VASH2: variants seen among roughly 807,000 people sequenced by gnomAD.
The protein encoded by VASH2 is tubulinyl-Tyr carboxypeptidase 2.
In VASH2, 28 loss-of-function variants were observed where a neutral mutation model predicts 37.2. The observed-to-expected ratio is 0.75, with a 90% CI of 0.56 to 1.03. The LOEUF is 1.03. Ranked by LOEUF, VASH2 falls within the 50% of genes least tolerant of loss-of-function variation. The probability of loss-of-function intolerance (pLI) is 0.00; values close to 1 mark genes in which losing one functional copy is unlikely to be tolerated. For missense variants in VASH2, 419 were observed against 459.1 expected, an observed-to-expected ratio of 0.91 and a Z score of 0.80; for synonymous variants, 188 against 174.7, an observed-to-expected ratio of 1.08 and a Z score of -0.60.
intron 2 of VASH2, among the ~76,000 whole-genome samples, chr1:212,953,999 C>T (rs564547619): frequency 1.3e-5 from 2 of 151,942 alleles, no homozygotes; most frequent in East Asian, 3.9e-4. Context: ...GCCTCAACCT[C>T]CCAGGCTCAA....
At chr1:212,966,724 A>G (rs6699082) in intron 5 of VASH2, among the ~76,000 whole-genome samples, 1,959 of 152,294 alleles carry the variant, frequency 0.013, 49 homozygotes, top group African/African-American at 0.043. Context: ...GGGAAATGCA[A>G]TCAGAGCCAA....
At position 212,960,323 on chromosome 1, in the gene VASH2, G is replaced by T. The variant is rs74140535; in HGVS notation, c.277-843G>T. On this transcript the variant is annotated intron_variant, in intron 2 of 7. Transcript: ENST00000517399. ...TGTTGATTGAGGGGCAGACTAGGAA[G>T]TGAGTGTGTTGGTGGAGCTGCTGTG... Among the ~76,000 whole-genome samples, 395 of 151,790 alleles carry T rather than the reference G, an allele frequency of 2.6e-3. 3 individuals carry two copies. The highest frequency in any genetic ancestry group is 8.8e-3 in the African/African-American group (363 of 41,358).
intron 7 of VASH2, among the ~76,000 whole-genome samples, chr1:212,981,139 T>A (rs939888326): frequency 1.3e-5 from 2 of 152,236 alleles, no homozygotes; most frequent in African/African-American, 2.4e-5. Flanking sequence ...CTGGAAACTG[T>A]GCCCTGGAAT....
chr1:212,955,367 T>C (rs1310610736), intron 2 of VASH2, among the ~76,000 whole-genome samples: 1 of 152,202 alleles, frequency 6.6e-6, no homozygotes, highest in East Asian at 1.9e-4. Flanking sequence ...TTTGAGATCC[T>C]CCTTCTAAAT....
intron 2 of VASH2, among the ~76,000 whole-genome samples, chr1:212,959,219 G>A (rs560548097): frequency 6.6e-6 from 1 of 152,330 alleles, no homozygotes; most frequent in South Asian, 2.1e-4. Flanking sequence ...ACTTTCTAGT[G>A]TATGCTAGGG....
chr1:212,980,175 G>A (rs1459316724), intron 7 of VASH2, among the ~76,000 whole-genome samples: 1 of 152,226 alleles, frequency 6.6e-6, no homozygotes, highest in African/African-American at 2.4e-5. Context: ...AAGCTTCAGC[G>A]CTCTCCGAGG....
chr1:212,982,437 G>C (rs1667365484), intron 7 of VASH2, among the ~76,000 whole-genome samples: 2 of 152,182 alleles, frequency 1.3e-5, no homozygotes, highest in East Asian at 3.8e-4. Flanking sequence ...GATCCGATGA[G>C]AGGTTCTGGG....
In VASH2 at chr1:212,990,809, T is replaced by C. The variant is rs931368390; in HGVS notation, c.*2225T>C. ...CTTGAAAGTACATTTAAAATGTTCTTAGTTGTCATCCTACTTTTATTGCCT... is the reference window on the plus strand; with the variant it reads ...CTTGAAAGTACATTTAAAATGTTCTCAGTTGTCATCCTACTTTTATTGCCT... On this transcript the variant is annotated 3_prime_UTR_variant, in exon 8 of 8. Coordinates refer to ENST00000517399, the MANE Select transcript of VASH2 (RefSeq NM_001301056.2). 6.6e-6 allele frequency: 1 copy of C among 152,212 alleles called. No homozygotes were observed. Among genetic ancestry groups the C allele is most frequent in the Non-Finnish European group, 1.5e-5 (1 of 68,028 alleles). The allele number at this position is 152,212 out of a possible 1,614,324, so 9.4% of individuals were successfully genotyped here. A position where few individuals can be genotyped will look rare whatever the true frequency, so the allele number is the denominator to read the frequency against.
intron 2 of VASH2, among the ~76,000 whole-genome samples, chr1:212,959,244 A>G (rs997991386): frequency 1.3e-5 from 2 of 151,492 alleles, no homozygotes; most frequent in Non-Finnish European, 2.9e-5. Flanking sequence ...AACACAGAAT[A>G]CGCTTTACAT....
Position 212,990,904 on chromosome 1 carries a change from TAAAAAAC to T in VASH2, c.*2332_*2338del, listed in dbSNP as rs894690881. 2.0e-5 allele frequency: 3 copies of T among 152,114 alleles called. No individual in the cohort carries two copies. Among genetic ancestry groups the T allele is most frequent in the Non-Finnish European group, 4.4e-5 (3 of 68,018 alleles). The allele number at this position is 152,114 out of a possible 1,614,324, so 9.4% of individuals were successfully genotyped here. On this transcript the variant is annotated 3_prime_UTR_variant, in exon 8 of 8. Transcript: ENST00000517399. ...ACCCCTAAATTCTAGTGCAATAATT[TAAAAAAC>T]AAAAAACAAAACAAAACAAAAAACA...
At chr1:212,975,357 T>TTGGGAAGGAGGGTGTGAGG (rs1338857509) in intron 7 of VASH2, among the ~76,000 whole-genome samples, 2 of 152,210 alleles carry the variant, frequency 1.3e-5, no homozygotes, top group African/African-American at 4.8e-5. Context: ...TCGTTCTGGG[T>TTGGGAAGGAGGGTGTGAGG]TGGGAAGGAG....
chr1:212,984,752 T>C (rs1343799695), intron 7 of VASH2, among the ~76,000 whole-genome samples: 1 of 152,204 alleles, frequency 6.6e-6, no homozygotes, highest in Non-Finnish European at 1.5e-5. Flanking sequence ...CATGCACTGC[T>C]TAATTTTCAG....
At position 212,972,850 on chromosome 1, in the gene VASH2, T is replaced by G; in HGVS notation, c.768T>G (p.Pro256=). Reference sequence around the variant, plus strand: ...TTGGGCTGTACGTCCCCCATGAGCCTCATAGCTTCCAGCCCATTGAGTGGA... The same window carrying G: ...TTGGGCTGTACGTCCCCCATGAGCCGCATAGCTTCCAGCCCATTGAGTGGA... The part of the protein sequence containing the change: ...VKIGLYVPHE[P]HSFQPIEWKQ... Residue 256 remains proline (P), a synonymous_variant, in exon 6 of 8, where the codon CCT becomes CCG. Coordinates refer to ENST00000517399, the MANE Select transcript of VASH2 (RefSeq NM_001301056.2). The G allele has an allele frequency of 6.2e-7, 1 of 1,614,168 alleles. No homozygotes were observed. The highest frequency in any genetic ancestry group is 8.5e-7 in the Non-Finnish European group (1 of 1,180,036).
chr1:212,983,787 G>C (rs917534524), intron 7 of VASH2, among the ~76,000 whole-genome samples: 32 of 152,200 alleles, frequency 2.1e-4, no homozygotes, highest in Non-Finnish European at 2.6e-4. Flanking sequence ...AAGGTGCAGA[G>C]GCAGGAGTGG....
At chr1:212,954,604 A>C (rs1390204870) in intron 2 of VASH2, among the ~76,000 whole-genome samples, 1 of 152,020 alleles carries the variant, frequency 6.6e-6, no homozygotes, top group African/African-American at 2.4e-5. Flanking sequence ...TATTTTTAGT[A>C]AGATGGAGTT....
At chr1:212,965,999 G>A in intron 4 of VASH2, 1 of 605,442 alleles carries the variant, frequency 1.7e-6, no homozygotes, top group Non-Finnish European at 2.9e-6. Context: ...GGGTGGAGGA[G>A]GCTTGTAAAC....
intron 7 of VASH2, among the ~76,000 whole-genome samples, chr1:212,978,571 A>G (rs1216642528): frequency 3.9e-5 from 6 of 152,230 alleles, no homozygotes; most frequent in African/African-American, 1.4e-4. Context: ...AAAAAGGTGA[A>G]GAGTGATTGC....
intron 2 of VASH2, among the ~76,000 whole-genome samples, chr1:212,955,305 G>A (rs1207923851): frequency 6.6e-6 from 1 of 152,166 alleles, no homozygotes; most frequent in African/African-American, 2.4e-5. Flanking sequence ...AGCAGCCATG[G>A]TAACTTCTGC....
intron 2 of VASH2, among the ~76,000 whole-genome samples, chr1:212,958,172 G>GA (rs1666553714): frequency 6.6e-6 from 1 of 152,194 alleles, no homozygotes; most frequent in African/African-American, 2.4e-5. Flanking sequence ...TGGCCAGTGG[G>GA]AACGTTGGGA....
Sources: gnomAD v4.1 joint callset for allele counts (sites outside exome capture counted in the v4.1 genomes callset) on GRCh38, gnomAD v4.1.1 for gene constraint, MANE v1.5 for transcripts, NCBI Gene and HGNC (gene_info 2026-07-23, HGNC 2026-07-21) for gene names.